TBL1X: variants seen among roughly 807,000 people sequenced by gnomAD.
TBL1X encodes the protein transducin beta like 1 X-linked, also known as F-box-like/WD repeat-containing protein TBL1X.
In TBL1X, 10 loss-of-function variants were observed where a neutral mutation model predicts 50.7. The ratio of observed to expected loss-of-function variants is 0.20; its 90% CI spans 0.12 to 0.33. The LOEUF is 0.33. Among genes scored for constraint, TBL1X ranks in the 10% least tolerant of loss-of-function variants. The probability of loss-of-function intolerance (pLI) is 1.00; values close to 1 mark genes in which losing one functional copy is unlikely to be tolerated. For missense variants in TBL1X, 340 were observed against 504.4 expected, an observed-to-expected ratio of 0.67 and a Z score of 3.12; for synonymous variants, 190 against 214.7, an observed-to-expected ratio of 0.88 and a Z score of 1.01.
intron 1 of TBL1X, among the ~76,000 whole-genome samples, chrX:9,495,203 A>G (rs1601713793): frequency 9.0e-6 from 1 of 111,394 alleles, no homozygotes; most frequent in African/African-American, 3.3e-5. Flanking sequence ...TAAAAGGGCT[A>G]TGGGCAGAGA....
At chrX:9,704,315 T>A (rs1215339168) in intron 12 of TBL1X, among the ~76,000 whole-genome samples, 1 of 112,141 alleles carries the variant, frequency 8.9e-6, no homozygotes, top group Non-Finnish European at 1.9e-5. Context: ...TTCCTCTCCT[T>A]TTTTCTCCTC....
At chrX:9,662,599 G>A (rs773382967) in intron 5 of TBL1X, among the ~76,000 whole-genome samples, 3 of 111,857 alleles carry the variant, frequency 2.7e-5, no homozygotes, top group Non-Finnish European at 3.8e-5. Flanking sequence ...AATGGGTACA[G>A]TTTCCATTTT....
intron 1 of TBL1X, among the ~76,000 whole-genome samples, chrX:9,495,571 T>C (rs1022149739): frequency 1.8e-5 from 2 of 111,405 alleles, no homozygotes; most frequent in African/African-American, 6.5e-5. Context: ...CTGGTCACAA[T>C]GTTGTTGTCA....
intron 1 of TBL1X, among the ~76,000 whole-genome samples, chrX:9,487,917 T>C (rs2081921885): frequency 9.0e-6 from 1 of 111,545 alleles, no homozygotes; most frequent in Non-Finnish European, 1.9e-5. Flanking sequence ...TAGGCTGTTT[T>C]CTACGGCGTC....
intron 2 of TBL1X, among the ~76,000 whole-genome samples, chrX:9,597,189 A>C (rs752661008): frequency 8.9e-6 from 1 of 111,796 alleles, no homozygotes; most frequent in Non-Finnish European, 1.9e-5. Flanking sequence ...ACAGGAGAGG[A>C]GAAAATGGGT....
chrX:9,669,159 C>T (rs767309482), intron 5 of TBL1X, among the ~76,000 whole-genome samples: 1 of 111,649 alleles, frequency 9.0e-6, no homozygotes, highest in Non-Finnish European at 1.9e-5. Flanking sequence ...TTTTCTTCCA[C>T]TTTTCTAACT....
chrX:9,695,348 C>G (rs934513617), intron 11 of TBL1X, among the ~76,000 whole-genome samples: 2 of 112,402 alleles, frequency 1.8e-5, no homozygotes, highest in Non-Finnish European at 3.7e-5. Context: ...CTCTTTTAAG[C>G]CAAGAAACCT....
chrX:9,551,798 G>A (rs187134682), intron 2 of TBL1X, among the ~76,000 whole-genome samples: 119 of 111,857 alleles, frequency 1.1e-3, no homozygotes, highest in Non-Finnish European at 9.4e-4. Flanking sequence ...ATAAGCACAC[G>A]CACGCTGGCC....
chrX:9,549,065 T>C (rs1049511330), intron 2 of TBL1X, among the ~76,000 whole-genome samples: 8 of 113,270 alleles, frequency 7.1e-5, no homozygotes, highest in Admixed American at 9.3e-5. Context: ...TCAGTCTCAG[T>C]GCAAACAGCC....
intron 2 of TBL1X, among the ~76,000 whole-genome samples, chrX:9,521,014 C>T (rs1225813839): frequency 1.8e-5 from 2 of 111,494 alleles, no homozygotes; most frequent in Non-Finnish European, 3.8e-5. Flanking sequence ...GGGAGGATAA[C>T]TTGACCCCAG....
intron 1 of TBL1X, among the ~76,000 whole-genome samples, chrX:9,500,276 CA>C (rs386416596): frequency 0.05 from 1,980 of 39,729 alleles, 80 homozygotes; most frequent in African/African-American, 0.18. Flanking sequence ...GACCCTGTCT[CA>C]AAAAAAAAAA....
rs140878525 is a variant in TBL1X, at chrX:9,688,456, T to C, written c.616+181T>C. Among the ~76,000 whole-genome samples the C allele has an allele frequency of 4.5e-3, 511 of 112,465 alleles. 4 individuals are homozygous for C. The highest frequency in any genetic ancestry group is 5.5e-3 in the Non-Finnish European group (294 of 53,270). ...GTTCCATTTTTTCCATCACAACCCT[T>C]GGACCTGAGCTTCTTCACCCTCATC... On this transcript the variant is annotated intron_variant, in intron 7 of 17. Coordinates refer to ENST00000645353, the MANE Select transcript of TBL1X (RefSeq NM_005647.4).
chrX:9,682,731 G>A lies in TBL1X; in HGVS notation c.212-1312G>A, dbSNP rs1820716359. On this transcript the variant is annotated intron_variant, in intron 5 of 17. Transcript: ENST00000645353. ...GCCCCTCATTGGCTGAATGAAAGGC[G>A]GCGGAAGAGGAGCACCTGTCCAGCA... is the stretch of plus-strand genomic sequence containing the variant. 2.7e-5 allele frequency among the ~76,000 whole-genome samples: 3 copies of A among 112,261 alleles called. 1 individual carries two copies. The highest frequency in any genetic ancestry group is 7.4e-4 in the South Asian group (2 of 2,702).
chrX:9,697,511 C>T lies in TBL1X; in HGVS notation c.1114+82C>T, dbSNP rs1386287394. 1.6e-5 allele frequency: 19 copies of T among 1,159,677 alleles called. No homozygotes were observed. In the African/African-American group the frequency reaches 3.0e-4, roughly 19 times the overall value. On this transcript the variant is annotated intron_variant, in intron 12 of 17. Coordinates refer to ENST00000645353, the MANE Select transcript of TBL1X (RefSeq NM_005647.4). Reference sequence around the variant, plus strand: ...TTCAGGTCGAGCCCAGTGGCTTACGCCTGTAATCCCAGCACTTTGGGAAGC... The same window carrying T: ...TTCAGGTCGAGCCCAGTGGCTTACGTCTGTAATCCCAGCACTTTGGGAAGC...
At chrX:9,491,412 C>G (rs1368296957) in intron 1 of TBL1X, among the ~76,000 whole-genome samples, 13 of 97,967 alleles carry the variant, frequency 1.3e-4, no homozygotes, top group African/African-American at 5.0e-4. Flanking sequence ...ATGATCTCGG[C>G]TCACTGCAGC....
At chrX:9,518,388 A>T (rs1182092732) in intron 2 of TBL1X, among the ~76,000 whole-genome samples, 1 of 111,565 alleles carries the variant, frequency 9.0e-6, no homozygotes, top group Admixed American at 9.5e-5. Context: ...ACCTCTCCTG[A>T]TCCCTTCTTC....
intron 5 of TBL1X, among the ~76,000 whole-genome samples, chrX:9,665,134 A>G (rs1194727617): frequency 9.1e-6 from 1 of 109,839 alleles, no homozygotes; most frequent in Non-Finnish European, 1.9e-5. Context: ...CAGAACTCAA[A>G]TAGACGTTCA....
At chrX:9,556,366 A>G (rs937393955) in intron 2 of TBL1X, among the ~76,000 whole-genome samples, 4 of 110,148 alleles carry the variant, frequency 3.6e-5, no homozygotes, top group Non-Finnish European at 7.6e-5. Context: ...TTACTATCTT[A>G]ACAGTTCTGG....
chrX:9,599,870 A>G (rs756478893), intron 2 of TBL1X, among the ~76,000 whole-genome samples: 9 of 112,283 alleles, frequency 8.0e-5, no homozygotes, highest in African/African-American at 1.9e-4. Flanking sequence ...AATACCAGGA[A>G]ACTTCTTTTT....
Sources: gnomAD v4.1 joint callset for allele counts (sites outside exome capture counted in the v4.1 genomes callset) on GRCh38, gnomAD v4.1.1 for gene constraint, MANE v1.5 for transcripts, NCBI Gene and HGNC (gene_info 2026-07-23, HGNC 2026-07-21) for gene names.